The following RFTN2 variants were observed in gnomAD, a reference collection of about 807,000 sequenced individuals.
RFTN2 encodes the protein raftlin-2.
RFTN2 carries 34 observed loss-of-function variants against 52.7 expected under a neutral mutation model. The observed-to-expected ratio is 0.64, with a 90% confidence interval of 0.49 to 0.86. The LOEUF (loss-of-function observed/expected upper bound fraction) is 0.86, where lower values mean the gene tolerates loss of function less well. Among genes scored for constraint, RFTN2 ranks in the 40% least tolerant of loss-of-function variants. The pLI is 0.00. For missense variants in RFTN2, 536 were observed against 600.1 expected (o/e 0.89, Z 1.12); for synonymous variants, 203 against 217.7 (o/e 0.93, Z 0.59).
In RFTN2 at chr2:197,650,186, G is replaced by A. The variant is rs551505921; in HGVS notation, c.140-3520C>T. The stretch of plus-strand genomic sequence containing the variant: ...CCATTTTTTAGTGTACAGTTCAGTA[G>A]TGTTAAGTATACACGCATTATTGTG... On this transcript the variant is annotated intron_variant, in intron 1 of 8. Transcript: ENST00000295049. Among the ~76,000 whole-genome samples, 56 of 152,102 alleles carry A rather than the reference G, an allele frequency of 3.7e-4. 1 individual carries two copies. Among genetic ancestry groups the A allele is most frequent in the African/African-American group, 1.3e-3 (53 of 41,522 alleles).
chr2:197,656,091 C>T (rs368562499), intron 1 of RFTN2, among the ~76,000 whole-genome samples: 3 of 152,170 alleles, frequency 2.0e-5, no homozygotes, highest in East Asian at 3.8e-4. Flanking sequence ...GACTCCAGCA[C>T]CAGACTTCCG....
chr2:197,581,916 T>C (rs1364479303), intron 8 of RFTN2, among the ~76,000 whole-genome samples: 1 of 152,190 alleles, frequency 6.6e-6, no homozygotes, highest in Non-Finnish European at 1.5e-5. Context: ...CCTAAATCCT[T>C]TCCCCACTCC....
intron 8 of RFTN2, among the ~76,000 whole-genome samples, chr2:197,575,084 C>A (rs2087389895): frequency 6.6e-6 from 1 of 152,108 alleles, no homozygotes; most frequent in Non-Finnish European, 1.5e-5. Context: ...GTAATTGAAT[C>A]ATGGGGGTGG....
chr2:197,639,863 T>C (rs2088632705), intron 3 of RFTN2, among the ~76,000 whole-genome samples: 1 of 144,878 alleles, frequency 6.9e-6, no homozygotes, highest in Non-Finnish European at 1.5e-5. Flanking sequence ...TTCCCCATCT[T>C]TGTGGTTTTA....
chr2:197,621,896 T>C (rs1359455542), intron 5 of RFTN2, among the ~76,000 whole-genome samples: 2 of 152,210 alleles, frequency 1.3e-5, no homozygotes, highest in Non-Finnish European at 2.9e-5. Context: ...AGGCCTCTTG[T>C]GTCAGTTAGC....
intron 7 of RFTN2, among the ~76,000 whole-genome samples, chr2:197,601,895 G>A (rs1001982205): frequency 6.6e-6 from 1 of 152,106 alleles, no homozygotes; most frequent in African/African-American, 2.4e-5. Context: ...TTCATGATCC[G>A]TGGTATTAAA....
intron 1 of RFTN2, among the ~76,000 whole-genome samples, chr2:197,658,177 AT>A (rs1001632879): frequency 9.6e-6 from 1 of 104,466 alleles, no homozygotes; most frequent in African/African-American, 4.0e-5. Flanking sequence ...TTTTTAAAAA[AT>A]ATTTTTTTTT....
In RFTN2 at chr2:197,674,821, A is replaced by G. The variant is rs533327214; in HGVS notation, c.139+499T>C. On this transcript the variant is annotated intron_variant, in intron 1 of 8. Coordinates refer to ENST00000295049, the MANE Select transcript of RFTN2 (RefSeq NM_144629.3). ...TTTTTTTTTTAACTACATTTTCAAA[A>G]CTTATAGTTTAGTTTGGTCAAAAAT... Among the ~76,000 whole-genome samples, 7 of 151,866 alleles carry G rather than the reference A, an allele frequency of 4.6e-5. No homozygotes were observed. The East Asian group carries it at 9.7e-4, about 21-fold the overall frequency.
chr2:197,578,125 G>A (rs1016980738), intron 8 of RFTN2, among the ~76,000 whole-genome samples: 2 of 152,162 alleles, frequency 1.3e-5, no homozygotes, highest in African/African-American at 4.8e-5. Context: ...TTGCTCACCA[G>A]CGCTAGGGCC....
intron 3 of RFTN2, among the ~76,000 whole-genome samples, chr2:197,634,599 G>C (rs1468469683): frequency 1.3e-5 from 2 of 151,928 alleles, no homozygotes; most frequent in Non-Finnish European, 2.9e-5. Context: ...CATAGGATTA[G>C]ATTAAATCCT....
chr2:197,618,860 G>A (rs1389320719), intron 5 of RFTN2, among the ~76,000 whole-genome samples: 2 of 149,194 alleles, frequency 1.3e-5, no homozygotes, highest in East Asian at 2.0e-4. Context: ...CAGCCGCCCC[G>A]TCTGAGAAGT....
intron 7 of RFTN2, among the ~76,000 whole-genome samples, chr2:197,605,158 C>T (rs2087938890): frequency 1.3e-5 from 2 of 151,898 alleles, no homozygotes; most frequent in Non-Finnish European, 2.9e-5. Flanking sequence ...TAGATTTATA[C>T]ATGATAAAAA....
At chr2:197,627,570 T>C (rs1300149951) in intron 5 of RFTN2, among the ~76,000 whole-genome samples, 2 of 152,188 alleles carry the variant, frequency 1.3e-5, no homozygotes, top group Non-Finnish European at 2.9e-5. Flanking sequence ...CAAACATTTT[T>C]ATAGGAGTGG....
At chr2:197,574,053 G>A (rs1387598822) in intron 8 of RFTN2, among the ~76,000 whole-genome samples, 2 of 152,246 alleles carry the variant, frequency 1.3e-5, no homozygotes, top group African/African-American at 4.8e-5. Context: ...CAGTGTGGAA[G>A]GGAATTGTGG....
rs183461903 is a variant in RFTN2 at position 197,607,766 on chromosome 2, C to T, written c.1154+8110G>A. The stretch of plus-strand genomic sequence containing the variant: ...AGTCACAAAGTTCCTTTGCCTATGA[C>T]CCTGAATTTGTTTCTCAGGTATCAG... On this transcript the variant is annotated intron_variant, in intron 7 of 8. Transcript: ENST00000295049. Among the ~76,000 whole-genome samples the T allele has an allele frequency of 4.6e-5, 7 of 152,220 alleles. No individual in the cohort carries two copies. In the East Asian group the frequency reaches 1.3e-3, roughly 29 times the overall value.
At position 197,570,335 on chromosome 2, in the gene RFTN2, A is replaced by C. The variant is rs1285374166; in HGVS notation, c.*1673T>G. The C allele has an allele frequency of 6.6e-6, 1 of 152,228 alleles. No homozygotes were observed. Among genetic ancestry groups the C allele is most frequent in the East Asian group, 1.9e-4 (1 of 5,204 alleles). 9.4% of individuals were successfully genotyped at this position (152,228 alleles called of 1,614,324 possible). On this transcript the variant is annotated 3_prime_UTR_variant, in exon 9 of 9. Coordinates refer to ENST00000295049, the MANE Select transcript of RFTN2 (RefSeq NM_144629.3). ...TACTTCTGGATGATAAAAGTGGAATAATTCCTGTTAATTTTATCAGCAATT... is the reference window on the plus strand; with the variant it reads ...TACTTCTGGATGATAAAAGTGGAATCATTCCTGTTAATTTTATCAGCAATT...
intron 1 of RFTN2, among the ~76,000 whole-genome samples, chr2:197,649,635 G>A (rs899378550): frequency 1.3e-5 from 2 of 152,054 alleles, no homozygotes; most frequent in Admixed American, 6.6e-5. Flanking sequence ...TGCCTACCTC[G>A]TCTACCTTAG....
Position 197,571,538 on chromosome 2 carries a change from G to T in RFTN2, c.*470C>A, listed in dbSNP as rs954170853. ...GATTAATTATTATATTTGGGAAATA[G>T]ATATTTATTTGCACTAATTAGCTGT... is the stretch of plus-strand genomic sequence containing the variant. On this transcript the variant is annotated 3_prime_UTR_variant, in exon 9 of 9. Coordinates refer to ENST00000295049, the MANE Select transcript of RFTN2 (RefSeq NM_144629.3). 1.3e-5 allele frequency: 2 copies of T among 155,632 alleles called. No homozygotes were observed. The highest frequency in any genetic ancestry group is 4.8e-5 in the African/African-American group (2 of 41,396). 9.6% of individuals were successfully genotyped at this position (155,632 alleles called of 1,614,324 possible).
chr2:197,596,983 C>T (rs1283379764), intron 7 of RFTN2, among the ~76,000 whole-genome samples: 27 of 152,126 alleles, frequency 1.8e-4, no homozygotes, highest in Admixed American at 1.8e-3. Flanking sequence ...GTGTCTGTAG[C>T]TAATGTTGCT....
Sources: allele counts gnomAD v4.1 joint callset (sites outside exome capture counted in the v4.1 genomes callset), GRCh38; gene constraint gnomAD v4.1.1; transcripts MANE v1.5; gene names NCBI Gene and HGNC (gene_info 2026-07-23, HGNC 2026-07-21).